The following ANO5 variants were observed in gnomAD, a reference collection of about 807,000 sequenced individuals.
ANO5 encodes the protein anoctamin-5.
ANO5 carries 109 observed loss-of-function variants against 121.0 expected under a neutral mutation model. That is an observed-to-expected ratio of 0.90 (90% CI 0.77 to 1.06). ANO5 has a LOEUF of 1.06. Ranked by LOEUF, ANO5 falls within the 50% of genes least tolerant of loss-of-function variation. The pLI is 0.00. For missense variants in ANO5, 1,064 were observed against 1,078.5 expected (o/e 0.99, Z 0.19); for synonymous variants, 406 against 359.9 (o/e 1.13, Z -1.45).
rs1159592868 is a variant in ANO5 at position 22,227,530 on chromosome 11, C to T, written c.592C>T (p.Leu198Phe). The change falls in exon 7 of 22, where the codon CTC becomes TTC. Residue 198 changes from leucine (L) to phenylalanine (F), a missense_variant. Physicochemically the swap from Leu to Phe is conservative, Grantham distance 22 (BLOSUM62 0). Coordinates refer to ENST00000324559, the MANE Select transcript of ANO5 (RefSeq NM_213599.3). ...ACAATTCAGCAGACATCGGCAGGAG[C>T]TCTTCCTCATCGAAGATCAGGCAAC... ...TAQFSRHRQE[L>F]FLIEDQATFF... The T allele has an allele frequency of 2.5e-6, 4 of 1,613,558 alleles. No individual in the cohort carries two copies. The highest frequency in any genetic ancestry group is 3.4e-6 in the Non-Finnish European group (4 of 1,179,742).
Position 22,211,426 on chromosome 11 carries a change from C to G in ANO5, c.138+112C>G, listed in dbSNP as rs762089225. 3 of 1,250,826 alleles carry G rather than the reference C, an allele frequency of 2.4e-6. No individual in the cohort carries two copies. In the East Asian group the frequency reaches 7.0e-5, roughly 29 times the overall value. 77.5% of individuals were successfully genotyped at this position (1,250,826 alleles called of 1,614,324 possible). On this transcript the variant is annotated intron_variant, in intron 3 of 21. Coordinates refer to ENST00000324559, the MANE Select transcript of ANO5 (RefSeq NM_213599.3). ...TTCAGTTATTTGACATGCTCTCATACATGGTATTTGAGAATATATTACTTT... is the reference window on the plus strand; with the variant it reads ...TTCAGTTATTTGACATGCTCTCATAGATGGTATTTGAGAATATATTACTTT...
intron 9 of ANO5, among the ~76,000 whole-genome samples, chr11:22,241,941 C>G (rs1853446695): frequency 6.6e-6 from 1 of 151,958 alleles, no homozygotes; most frequent in Admixed American, 6.6e-5. Context: ...CTTTTGGTGA[C>G]TTAGCCAAAA....
intron 4 of ANO5, among the ~76,000 whole-genome samples, chr11:22,218,810 T>A (rs4475920): frequency 0.73 from 111,106 of 151,758 alleles, 41,342 homozygotes; most frequent in Non-Finnish European, 0.81. Flanking sequence ...CAATCATCTC[T>A]CCTCGGACTC....
intron 18 of ANO5, among the ~76,000 whole-genome samples, chr11:22,272,117 C>G (rs1041289894): frequency 6.6e-6 from 1 of 151,776 alleles, no homozygotes; most frequent in Non-Finnish European, 1.5e-5. Context: ...GGTTATTTTA[C>G]CCTAAACATT....
At chr11:22,233,411 TATA>T (rs1292836847) in intron 7 of ANO5, among the ~76,000 whole-genome samples, 5 of 151,900 alleles carry the variant, frequency 3.3e-5, no homozygotes, top group Admixed American at 2.6e-4. Context: ...AAAAAATATA[TATA>T]AATTTTATTT....
chr11:22,203,855 G>C lies in ANO5; in HGVS notation c.87+5G>C. 1 of 1,460,000 alleles carries C rather than the reference G, an allele frequency of 6.8e-7. No homozygotes were observed. The highest frequency in any genetic ancestry group is 1.7e-5 in the Admixed American group (1 of 58,054). The allele number at this position is 1,460,000 out of a possible 1,614,324, so 90.4% of individuals were successfully genotyped here. ...TACTCTTTCCAAATGAGTGAGGTAA[G>C]TTAAATATATATGCATTAACTTCCT... On this transcript the variant is annotated splice_donor_5th_base_variant and intron_variant, in intron 2 of 21. Coordinates refer to ENST00000324559, the MANE Select transcript of ANO5 (RefSeq NM_213599.3).
At chr11:22,235,055 T>C (rs894453099) in intron 7 of ANO5, among the ~76,000 whole-genome samples, 2 of 152,172 alleles carry the variant, frequency 1.3e-5, no homozygotes, top group African/African-American at 2.4e-5. Context: ...ACATTTCAGA[T>C]GTTTGCAGAT....
Position 22,282,560 on chromosome 11 carries a change from AT to A in ANO5, c.*2796del. 6.6e-6 allele frequency: 1 copy of A among 152,290 alleles called. No individual in the cohort carries two copies. The highest frequency in any genetic ancestry group is 1.5e-5 in the Non-Finnish European group (1 of 68,006). The allele number at this position is 152,290 out of a possible 1,614,324, so 9.4% of individuals were successfully genotyped here. On this transcript the variant is annotated 3_prime_UTR_variant, in exon 22 of 22. Transcript: ENST00000324559. The stretch of plus-strand genomic sequence containing the variant: ...GGAGTGAGGAAACAGTTATTTCCTT[AT>A]GAATCCTGTGTGTTTCTTTGGAAGA...
intron 12 of ANO5, among the ~76,000 whole-genome samples, chr11:22,253,313 C>T (rs191117707): frequency 6.6e-6 from 1 of 151,944 alleles, no homozygotes; most frequent in South Asian, 2.1e-4. Context: ...ACTCTTTTTG[C>T]TAACTATTTT....
At chr11:22,271,187 C>G (rs372607728) in intron 18 of ANO5, among the ~76,000 whole-genome samples, 15 of 152,244 alleles carry the variant, frequency 9.9e-5, no homozygotes, top group African/African-American at 3.6e-4. Context: ...TTGCCTGTAG[C>G]TGGGACTACA....
At chr11:22,209,650 T>C (rs1852219177) in intron 2 of ANO5, among the ~76,000 whole-genome samples, 1 of 151,912 alleles carries the variant, frequency 6.6e-6, no homozygotes, top group African/African-American at 2.4e-5. Flanking sequence ...CATCAAGGAT[T>C]CTCGTTTTGC....
intron 1 of ANO5, among the ~76,000 whole-genome samples, chr11:22,195,966 G>C (rs2133484053): frequency 6.6e-6 from 1 of 152,292 alleles, no homozygotes; most frequent in African/African-American, 2.4e-5. Context: ...AGGGCCTAAA[G>C]AGCAGCATAG....
At chr11:22,249,563 T>A (rs1025762891) in intron 9 of ANO5, among the ~76,000 whole-genome samples, 4 of 152,070 alleles carry the variant, frequency 2.6e-5, no homozygotes, top group African/African-American at 9.7e-5. Flanking sequence ...GGTACTAAGT[T>A]AAAAACAAAA....
At chr11:22,214,373 T>A (rs944583084) in intron 3 of ANO5, among the ~76,000 whole-genome samples, 22 of 152,034 alleles carry the variant, frequency 1.4e-4, no homozygotes, top group Middle Eastern at 3.4e-3. Context: ...TTGGTTTTTT[T>A]TAAATATATC....
intron 4 of ANO5, among the ~76,000 whole-genome samples, chr11:22,220,868 G>A (rs1852618891): frequency 6.6e-6 from 1 of 151,832 alleles, no homozygotes; most frequent in Admixed American, 6.6e-5. Flanking sequence ...TGGTATGTTT[G>A]CAGCATTTTT....
At chr11:22,277,972 C>A (rs967905863) in intron 21 of ANO5, 7 of 151,458 alleles carry the variant, frequency 4.6e-5, no homozygotes, top group Non-Finnish European at 7.4e-5. Context: ...TTGAAAATTT[C>A]TTTTCTTTCC....
intron 9 of ANO5, among the ~76,000 whole-genome samples, chr11:22,246,484 T>A (rs921106238): frequency 2.6e-5 from 4 of 152,072 alleles, no homozygotes; most frequent in Non-Finnish European, 4.4e-5. Context: ...TTTGGGTGTT[T>A]TTCCTCTCCT....
At chr11:22,215,737 A>C (rs1852420692) in intron 3 of ANO5, among the ~76,000 whole-genome samples, 1 of 151,938 alleles carries the variant, frequency 6.6e-6, no homozygotes, top group African/African-American at 2.4e-5. Flanking sequence ...ACCCATTTTA[A>C]GTGTGTAGTT....
chr11:22,250,159 C>G lies in ANO5; in HGVS notation c.879-78C>G, dbSNP rs572106548. The stretch of plus-strand genomic sequence containing the variant: ...AGTGGAGCCAAAATTAGAATATATG[C>G]CTGTCTGAATACAAAATCAAGGCTC... On this transcript the variant is annotated intron_variant, in intron 9 of 21. Transcript: ENST00000324559. 58 of 1,349,584 alleles carry G rather than the reference C, an allele frequency of 4.3e-5. No homozygotes were observed. In the African/African-American group the frequency reaches 8.1e-4, roughly 19 times the overall value. The allele number at this position is 1,349,584 out of a possible 1,614,324, so 83.6% of individuals were successfully genotyped here.
Sources: gnomAD v4.1 joint callset for allele counts (sites outside exome capture counted in the v4.1 genomes callset) on GRCh38, gnomAD v4.1.1 for gene constraint, MANE v1.5 for transcripts, NCBI Gene and HGNC (gene_info 2026-07-23, HGNC 2026-07-21) for gene names.